Variants in NDST2 observed in about 807,000 individuals in gnomAD.
NDST2 encodes the protein bifunctional heparan sulfate N-deacetylase/N-sulfotransferase 2.
Under a neutral mutation model 86.9 loss-of-function variants are expected in NDST2, and 32 were observed. That is an observed-to-expected ratio of 0.37 (90% CI 0.28 to 0.49). The LOEUF (loss-of-function observed/expected upper bound fraction) is 0.49, where lower values mean the gene tolerates loss of function less well. Ranked by LOEUF, NDST2 falls within the 20% of genes least tolerant of loss-of-function variation. The probability of loss-of-function intolerance (pLI) is 0.97; values close to 1 mark genes in which losing one functional copy is unlikely to be tolerated. For synonymous variants in NDST2, 409 were observed against 437.0 expected (o/e 0.94, Z 0.80); for missense variants, 950 against 1,146.9 (o/e 0.83, Z 2.48).
At position 73,802,752 on chromosome 10, in the gene NDST2, C is replaced by G; in HGVS notation, c.2448G>C (p.Trp816Cys). Residue 816 changes from tryptophan (W) to cysteine (C), a missense_variant, in exon 14 of 15, where the codon TGG becomes TGC. By Grantham distance (215) the Trp-to-Cys change is radical. Transcript: ENST00000309979. ...TLRFDDDKGF[W>C]CQGLEGGKTR... Reference sequence around the variant, plus strand: ...TCTTACCACCTTCAAGTCCCTGGCACCAAAATCCCTTATCATCATCAAACC... The same window carrying G: ...TCTTACCACCTTCAAGTCCCTGGCAGCAAAATCCCTTATCATCATCAAACC... 1 of 1,614,114 alleles carries G rather than the reference C, an allele frequency of 6.2e-7. No homozygotes were observed. The highest frequency in any genetic ancestry group is 2.2e-5 in the East Asian group (1 of 44,880).
rs892158994 is a variant in NDST2, at chr10:73,808,933, T to C, written c.-341-204A>G. ...CTTGTTCCCTTTCCCTTTCTTAGAA[T>C]ACCCAAATGAATGTCCAAATTCTCC... On this transcript the variant is annotated intron_variant, in intron 2 of 14. Coordinates refer to ENST00000309979, the MANE Select transcript of NDST2 (RefSeq NM_003635.4). This position sits in a 1 kb window ranked among gnomAD's most constrained non-coding sequence, Gnocchi z 4.3. 4.6e-5 allele frequency: 7 copies of C among 152,864 alleles called. No homozygotes were observed. The highest frequency in any genetic ancestry group is 4.1e-4 in the South Asian group (2 of 4,848). The allele number at this position is 152,864 out of a possible 1,614,324, so 9.5% of individuals were successfully genotyped here.
In NDST2 at chr10:73,807,765, T is replaced by C; in HGVS notation, c.624A>G (p.Leu208=). Residue 208 remains leucine (L), a synonymous_variant, in exon 3 of 15, where the codon CTA becomes CTG. Coordinates refer to ENST00000309979, the MANE Select transcript of NDST2 (RefSeq NM_003635.4). ...RDYQVNPSAP[L]LHLTRPSRLE... ...GGCGGCTGGGGCGTGTGAGATGCAG[T>C]AGCGGGGCAGAAGGATTCACTTGGT... 4.3e-6 allele frequency: 7 copies of C among 1,614,116 alleles called. No homozygotes were observed. The highest frequency in any genetic ancestry group is 5.9e-6 in the Non-Finnish European group (7 of 1,180,026).
At chr10:73,804,140 T>C (rs1206818291) in intron 9 of NDST2, 124 bp from the exon 10 acceptor site, 1 of 1,112,948 alleles carries the variant, frequency 9.0e-7, no homozygotes, top group Non-Finnish European at 1.3e-6. Context: ...ATGGCCAAAC[T>C]ACAATGATAG....
Position 73,808,539 on chromosome 10 carries a change from G to T in NDST2, c.-151C>A. On this transcript the variant is annotated 5_prime_UTR_variant, in exon 3 of 15. Transcript: ENST00000309979. This position sits in a 1 kb window ranked among gnomAD's most constrained non-coding sequence, Gnocchi z 4.3. ...GGAGTTTCCTTTACGAGGTGGAGACGAGTCCCCTTAGCATAGGGTAGGGGA... is the reference window on the plus strand; with the variant it reads ...GGAGTTTCCTTTACGAGGTGGAGACTAGTCCCCTTAGCATAGGGTAGGGGA... 1 of 738,428 alleles carries T rather than the reference G, an allele frequency of 1.4e-6. No individual in the cohort carries two copies. Among genetic ancestry groups the T allele is most frequent in the Non-Finnish European group, 2.1e-6 (1 of 472,282 alleles). The allele number at this position is 738,428 out of a possible 1,614,324, so 45.7% of individuals were successfully genotyped here.
Position 73,802,152 on chromosome 10 carries a change from A to C in NDST2, c.*299T>G, listed in dbSNP as rs2083993331. On this transcript the variant is annotated 3_prime_UTR_variant, in exon 15 of 15. Coordinates refer to ENST00000309979, the MANE Select transcript of NDST2 (RefSeq NM_003635.4). ...TACACTGCTGCGGATGAAGAGGGAAATCTCATTGGACTAATACATTCCCCT... is the reference window on the plus strand; with the variant it reads ...TACACTGCTGCGGATGAAGAGGGAACTCTCATTGGACTAATACATTCCCCT... 2.1e-6 allele frequency: 1 copy of C among 487,230 alleles called. No homozygotes were observed. 30.2% of individuals were successfully genotyped at this position (487,230 alleles called of 1,614,324 possible).
rs774943159 is a variant in NDST2 at position 73,805,950 on chromosome 10, C to A, written c.1513G>T (p.Asp505Tyr). The A allele has an allele frequency of 9.3e-6, 15 of 1,614,192 alleles. No individual in the cohort carries two copies. The highest frequency in any genetic ancestry group is 2.2e-5 in the South Asian group (2 of 91,068). ...NEYPGGSREL[D>Y]RSIRGGELFL... ...AGCTCTCCACCTCGGATGCTCCGGT[C>A]TAGTTCACGAGAGCCTCCAGGATAC... is the stretch of plus-strand genomic sequence containing the variant. The change falls in exon 7 of 15, where the codon GAC becomes TAC. Residue 505 changes from aspartate (D) to tyrosine (Y), a missense_variant. Coordinates refer to ENST00000309979, the MANE Select transcript of NDST2 (RefSeq NM_003635.4).
At chr10:73,811,287 A>C (rs1341322561) in intron 1 of NDST2, among the ~76,000 whole-genome samples, 187 bp downstream of exon 1, 1 of 151,882 alleles carries the variant, frequency 6.6e-6, no homozygotes, top group African/African-American at 2.4e-5. Flanking sequence ...GGAAGAAGGG[A>C]GCCCGCCCGG....
rs769190928 is a variant in NDST2, at chr10:73,807,379, C to T, written c.1005+5G>A. 13 of 1,613,122 alleles carry T rather than the reference C, an allele frequency of 8.1e-6. No homozygotes were observed. The highest frequency in any genetic ancestry group is 1.1e-5 in the Non-Finnish European group (13 of 1,179,452). On this transcript the variant is annotated splice_donor_5th_base_variant and intron_variant, in intron 3 of 14. Coordinates refer to ENST00000309979, the MANE Select transcript of NDST2 (RefSeq NM_003635.4). ...TAAGAAAAAAATTTAAGTAACAAGACTGACCTCAACATCAGCCACCTTCAT... is the reference window on the plus strand; with the variant it reads ...TAAGAAAAAAATTTAAGTAACAAGATTGACCTCAACATCAGCCACCTTCAT...
intron 14 of NDST2, 31 bp downstream of exon 14, chr10:73,802,643 G>A (rs1347726351): frequency 1.2e-6 from 2 of 1,614,036 alleles, no homozygotes; most frequent in South Asian, 1.1e-5. Flanking sequence ...TGGAAGTGGA[G>A]AGGGATTCCC....
Position 73,803,314 on chromosome 10 carries a change from A to G in NDST2, c.2188T>C (p.Tyr730His), listed in dbSNP as rs2084035845. ...GDPVALNYTFYQVISASSQTP... is the reference protein window; with the variant it reads ...GDPVALNYTFHQVISASSQTP... ...TGGGAGGAGGCTGAAATCACCTGAT[A>G]GAAGGTATAGTTCAGAGCAACTGGG... Residue 730 changes from tyrosine to histidine, a missense_variant, in exon 12 of 15, where the codon TAT becomes CAT. Around this residue, in one of 5 missense-constraint regions of NDST2, gnomAD observed 303 missense variants for 323.7 expected, o/e 0.94. Coordinates refer to ENST00000309979, the MANE Select transcript of NDST2 (RefSeq NM_003635.4). 6.2e-7 allele frequency: 1 copy of G among 1,614,212 alleles called. No homozygotes were observed. Among genetic ancestry groups the G allele is most frequent in the Non-Finnish European group, 8.5e-7 (1 of 1,180,024 alleles).
chr10:73,807,722 GCAGTGGCC>G lies in NDST2; in HGVS notation c.659_666del (p.Gly220AlafsTer3). The G allele has an allele frequency of 6.2e-7, 1 of 1,614,204 alleles. No individual in the cohort carries two copies. Among genetic ancestry groups the G allele is most frequent in the Non-Finnish European group, 8.5e-7 (1 of 1,180,036 alleles). ...TGGAAGATGGTCCAGTCATCACCAG[GCAGTGGCC>G]CTGGTTCTAGGCGGCTGGGGCGTGT... On this transcript the variant is annotated frameshift_variant, in exon 3 of 15. Transcript: ENST00000309979. LOFTEE classifies it high-confidence loss of function.
In NDST2 at chr10:73,810,785, G is replaced by A. The variant is rs904530274; in HGVS notation, c.-342+14C>T. On this transcript the variant is annotated intron_variant, in intron 2 of 14. Coordinates refer to ENST00000309979, the MANE Select transcript of NDST2 (RefSeq NM_003635.4). The stretch of plus-strand genomic sequence containing the variant: ...CCCCATTTCACATATGAGTAACTCA[G>A]AGAAGCTTAGAACCTTGCCCAGGAT... 8 of 398,908 alleles carry A rather than the reference G, an allele frequency of 2.0e-5. No individual in the cohort carries two copies. The highest frequency in any genetic ancestry group is 3.1e-5 in the Non-Finnish European group (7 of 226,052). The allele number at this position is 398,908 out of a possible 1,614,324, so 24.7% of individuals were successfully genotyped here.
At chr10:73,804,183 T>A in intron 9 of NDST2, 167 bp from the exon 10 acceptor site, 2 of 665,586 alleles carry the variant, frequency 3.0e-6, no homozygotes, top group Non-Finnish European at 5.0e-6. Context: ...AGGGAAGGGC[T>A]AAAACAGTGG....
At position 73,807,684 on chromosome 10, in the gene NDST2, A is replaced by G; in HGVS notation, c.705T>C (p.Ser235=). The G allele has an allele frequency of 6.2e-7, 1 of 1,614,230 alleles. No individual in the cohort carries two copies. Residue 235 remains serine, a synonymous_variant, in exon 3 of 15, where the codon AGT becomes AGC. Transcript: ENST00000309979. ...TGGCAAGAAGCACTGGTTCATATGT[A>G]CTATGATTGGATTGGAAGATGGTCC... ...DDWTIFQSNH[S]TYEPVLLASL...
At chr10:73,802,859 C>T (rs778257976) in intron 13 of NDST2, 83 bp from the exon 14 acceptor site, 47 of 1,517,488 alleles carry the variant, frequency 3.1e-5, no homozygotes, top group Non-Finnish European at 4.1e-5. Flanking sequence ...TCCCTGCCCA[C>T]AGGGACATGT....
Position 73,807,976 on chromosome 10 carries a change from A to C in NDST2, c.413T>G (p.Val138Gly), listed in dbSNP as rs534980059. The change falls in exon 3 of 15, where the codon GTC (valine) becomes GGC (glycine). Residue 138 changes from valine (V) to glycine (G), a missense_variant. Val to Gly is a moderately radical substitution (Grantham distance 109). Transcript: ENST00000309979. ...ATACTTGAGCAGGTTCTCATAAATG[A>C]CCAAGACATAGCGGCCATGGGTATT... ...TDNTHGRYVL[V>G]IYENLLKYVN... 6.2e-7 allele frequency: 1 copy of C among 1,614,226 alleles called. No individual in the cohort carries two copies. The highest frequency in any genetic ancestry group is 1.7e-5 in the Admixed American group (1 of 60,024).
intron 2 of NDST2, among the ~76,000 whole-genome samples, chr10:73,810,461 AAAAAAT>A (rs767609292): frequency 4.4e-4 from 67 of 152,208 alleles, no homozygotes; most frequent in African/African-American, 9.9e-4. Flanking sequence ...CCAGCTCAAA[AAAAAAT>A]AAAAATAAAA....
chr10:73,804,898 G>T, intron 8 of NDST2, 29 bp from the exon 9 acceptor site: 3 of 1,382,820 alleles, frequency 2.2e-6, no homozygotes, highest in Non-Finnish European at 2.0e-6. Flanking sequence ...ATCAGATAAG[G>T]CCTATTTTTT....
chr10:73,803,790 AGAGTG>A, intron 10 of NDST2, 42 bp from the exon 11 acceptor site: 1 of 1,613,282 alleles, frequency 6.2e-7, no homozygotes. Context: ...AAAAATATGC[AGAGTG>A]AAGTGGCCAG....
Sources: allele counts gnomAD v4.1 joint callset (sites outside exome capture counted in the v4.1 genomes callset), GRCh38; gene constraint gnomAD v4.1.1; regional missense constraint gnomAD v4.1.1; non-coding constraint Gnocchi (gnomAD v3.1); transcripts MANE v1.5; gene names NCBI Gene and HGNC (gene_info 2026-07-23, HGNC 2026-07-21).